BIN2: variants seen among roughly 807,000 people sequenced by gnomAD.
BIN2 encodes the protein breast cancer associated protein BRAP1.
BIN2 carries 43 observed loss-of-function variants against 67.9 expected under a neutral mutation model. That is an observed-to-expected ratio of 0.63 (90% CI 0.50 to 0.82). The LOEUF (loss-of-function observed/expected upper bound fraction) is 0.82. Among genes scored for constraint, BIN2 ranks in the 40% least tolerant of loss-of-function variants. The pLI, the probability that BIN2 is intolerant of heterozygous loss-of-function variation, is 0.00. For missense variants in BIN2, 581 were observed against 671.6 expected, an observed-to-expected ratio of 0.87 and a Z score of 1.49; for synonymous variants, 244 against 246.8, an observed-to-expected ratio of 0.99 and a Z score of 0.11.
At chr12:51,293,646 G>A (rs189840732) in intron 9 of BIN2, among the ~76,000 whole-genome samples, 1 of 152,282 alleles carries the variant, frequency 6.6e-6, no homozygotes, top group African/African-American at 2.4e-5. Flanking sequence ...TTTAAAAAAG[G>A]TCAACAACCC....
chr12:51,323,914 G>A, intron 1 of BIN2, 108 bp downstream of exon 1: 1 of 1,384,466 alleles, frequency 7.2e-7, no homozygotes, highest in Non-Finnish European at 9.8e-7. Context: ...CGTCAGCCCA[G>A]ACCCTTCGGG....
At chr12:51,308,687 G>A (rs1186175477) in intron 2 of BIN2, among the ~76,000 whole-genome samples, 1 of 152,188 alleles carries the variant, frequency 6.6e-6, no homozygotes, top group Non-Finnish European at 1.5e-5. Flanking sequence ...TAAAGGTAAT[G>A]AATTGGAAGC....
In BIN2 at chr12:51,302,125, A is replaced by G. The variant is rs1289220333; in HGVS notation, c.313-10T>C. 1.9e-6 allele frequency: 3 copies of G among 1,595,410 alleles called. No homozygotes were observed. The Admixed American group carries it at 5.0e-5, about 27-fold the overall frequency. ...AAAGGAGATCATTATTCTGTAGGAT[A>G]GAGTCAGAGGCTGGTGAAGGCTCCA... On this transcript the variant is annotated splice_polypyrimidine_tract_variant and intron_variant, in intron 4 of 12. Coordinates refer to ENST00000615107, the MANE Select transcript of BIN2 (RefSeq NM_016293.4).
At chr12:51,314,592 G>A (rs1018870759) in intron 1 of BIN2, among the ~76,000 whole-genome samples, 1 of 151,818 alleles carries the variant, frequency 6.6e-6, no homozygotes. Flanking sequence ...CTTAAGTCGG[G>A]AGTTCGAGGC....
At position 51,317,711 on chromosome 12, in the gene BIN2, G is replaced by A. The variant is rs192033769; in HGVS notation, c.82-3808C>T. Among the ~76,000 whole-genome samples the A allele has an allele frequency of 6.5e-3, 989 of 151,402 alleles. 13 individuals are homozygous for A. The highest frequency in any genetic ancestry group is 0.023 in the African/African-American group (931 of 41,286). The stretch of plus-strand genomic sequence containing the variant: ...TAAATTAAAAAAGAAAAAAAAGGCC[G>A]GGAGCGGTGGCTCACGCCTGTAATC... On this transcript the variant is annotated intron_variant, in intron 1 of 12. Coordinates refer to ENST00000615107, the MANE Select transcript of BIN2 (RefSeq NM_016293.4).
rs536915255 is a variant in BIN2, at chr12:51,283,561, C to A, written c.1668+1155G>T. ...CTCGTGGGCTCAAGTGATCCTCCTG[C>A]CTCAGCCTCCTGCATCGCTGGAACT... is the stretch of plus-strand genomic sequence containing the variant. On this transcript the variant is annotated intron_variant, in intron 12 of 12. Transcript: ENST00000615107. Among the ~76,000 whole-genome samples the A allele has an allele frequency of 5.9e-5, 9 of 152,290 alleles. No individual in the cohort carries two copies. In the South Asian group the frequency reaches 1.9e-3, roughly 32 times the overall value.
At chr12:51,303,604 C>T (rs1945790678) in intron 2 of BIN2, among the ~76,000 whole-genome samples, 1 of 152,152 alleles carries the variant, frequency 6.6e-6, no homozygotes, top group Admixed American at 6.6e-5. Flanking sequence ...TTCCATCAGT[C>T]ACCTTTTATA....
chr12:51,296,299 A>G (rs933621589), intron 8 of BIN2, among the ~76,000 whole-genome samples: 1 of 152,118 alleles, frequency 6.6e-6, no homozygotes, highest in Non-Finnish European at 1.5e-5. Context: ...GATCGAGACC[A>G]TCCTGGCTAA....
Position 51,292,306 on chromosome 12 carries a change from C to G in BIN2, c.800G>C (p.Arg267Pro). The G allele has an allele frequency of 6.3e-7, 1 of 1,595,916 alleles. No homozygotes were observed. The highest frequency in any genetic ancestry group is 1.7e-5 in the Admixed American group (1 of 59,696). ...AAGAGGACTGGAGACTGTAGCTGTT[C>G]GAACTGGGGGAGAAATGACTAAAGA... Reference protein sequence around the residue: ...RRSLVISPPVRTATVSSPLTS... With the variant: ...RRSLVISPPVPTATVSSPLTS... Residue 267 changes from arginine (R) to proline (P), a missense_variant, in exon 10 of 13, where the codon CGA becomes CCA. Transcript: ENST00000615107.
intron 2 of BIN2, among the ~76,000 whole-genome samples, chr12:51,312,029 C>T (rs575732831): frequency 6.6e-6 from 1 of 152,160 alleles, no homozygotes; most frequent in African/African-American, 2.4e-5. Context: ...GCCTCGGCCT[C>T]CCAAAGTGCT....
intron 1 of BIN2, among the ~76,000 whole-genome samples, chr12:51,321,607 C>T (rs1946285717): frequency 6.6e-6 from 1 of 152,186 alleles, no homozygotes; most frequent in Non-Finnish European, 1.5e-5. Flanking sequence ...CCATGTTGGT[C>T]AGGCTGGTCT....
At chr12:51,315,688 G>C (rs928630237) in intron 1 of BIN2, among the ~76,000 whole-genome samples, 1 of 152,102 alleles carries the variant, frequency 6.6e-6, no homozygotes, top group African/African-American at 2.4e-5. Context: ...CTCTCATGGG[G>C]GCTTTTGTGG....
intron 11 of BIN2, among the ~76,000 whole-genome samples, chr12:51,285,524 G>T (rs1035215818): frequency 5.8e-4 from 89 of 152,162 alleles, no homozygotes; most frequent in African/African-American, 1.9e-3. Context: ...GGAAGACCCT[G>T]TGAGGTTTAA....
At chr12:51,284,615 C>A in intron 12 of BIN2, 101 bp downstream of exon 12, 1 of 912,528 alleles carries the variant, frequency 1.1e-6, no homozygotes. Flanking sequence ...GGGTATGGTT[C>A]ACTGCCGGAT....
intron 1 of BIN2, among the ~76,000 whole-genome samples, chr12:51,315,809 A>G (rs551443881): frequency 6.6e-6 from 1 of 152,302 alleles, no homozygotes; most frequent in Non-Finnish European, 1.5e-5. Flanking sequence ...CGTCATACTG[A>G]TGTCAGTGCT....
At chr12:51,298,268 A>T (rs1945622970) in intron 7 of BIN2, among the ~76,000 whole-genome samples, 1 of 152,196 alleles carries the variant, frequency 6.6e-6, no homozygotes, top group South Asian at 2.1e-4. Flanking sequence ...GCTACTTGGG[A>T]GGCTGAGGCA....
intron 9 of BIN2, among the ~76,000 whole-genome samples, chr12:51,293,594 G>A (rs979552895): frequency 6.6e-6 from 1 of 152,136 alleles, no homozygotes; most frequent in Non-Finnish European, 1.5e-5. Context: ...TTACAGGCGT[G>A]AGCCATCGTG....
At chr12:51,297,823 T>C (rs1945610519) in intron 7 of BIN2, among the ~76,000 whole-genome samples, 1 of 129,764 alleles carries the variant, frequency 7.7e-6, no homozygotes, top group Non-Finnish European at 1.7e-5. Context: ...TATCTAATTA[T>C]AACTATTACA....
At chr12:51,296,169 C>G (rs562395360) in intron 8 of BIN2, among the ~76,000 whole-genome samples, 29 of 152,108 alleles carry the variant, frequency 1.9e-4, no homozygotes, top group Admixed American at 1.9e-3. Context: ...CACAGGTGAT[C>G]CAGGGAATGA....
Sources: gnomAD v4.1 joint callset for allele counts (sites outside exome capture counted in the v4.1 genomes callset) on GRCh38, gnomAD v4.1.1 for gene constraint, MANE v1.5 for transcripts, NCBI Gene and HGNC (gene_info 2026-07-23, HGNC 2026-07-21) for gene names.